Variants in PHF24 observed in about 807,000 individuals in gnomAD.
PHF24 encodes PHD finger protein 24.
In PHF24, 25 loss-of-function variants were observed where a neutral mutation model predicts 42.6. That is an observed-to-expected ratio of 0.59 (90% CI 0.43 to 0.82). The LOEUF (loss-of-function observed/expected upper bound fraction) is 0.82, where lower values mean the gene tolerates loss of function less well. Among genes scored for constraint, PHF24 ranks in the 40% least tolerant of loss-of-function variants. The probability of loss-of-function intolerance (pLI) is 0.00; values close to 1 mark genes in which losing one functional copy is unlikely to be tolerated. For missense variants in PHF24, 470 were observed against 538.1 expected, an observed-to-expected ratio of 0.87 and a Z score of 1.25; for synonymous variants, 185 against 204.8, an observed-to-expected ratio of 0.90 and a Z score of 0.83.
upstream of PHF24, among the ~76,000 whole-genome samples, chr9:34,958,059 C>T (rs1360673380): frequency 6.7e-6 from 1 of 150,056 alleles, no homozygotes; most frequent in East Asian, 1.9e-4. This position sits in a 1 kb window ranked among gnomAD's most constrained non-coding sequence, Gnocchi z 4.5. Context: ...GCCCCACGCC[C>T]GCGCGCCCGT....
chr9:34,784,449 C>T, the PHF24 span, among the ~76,000 whole-genome samples: 1 of 152,134 alleles, frequency 6.6e-6, no homozygotes. Flanking sequence ...AAATCCTTAT[C>T]CTATTCCAAT....
At chr9:34,864,494 CAT>C in the PHF24 span, among the ~76,000 whole-genome samples, 5 of 151,652 alleles carry the variant, frequency 3.3e-5, no homozygotes, top group Non-Finnish European at 5.9e-5. Flanking sequence ...AGTGGCATGA[CAT>C]AAAGTGCTGA....
chr9:34,690,128 A>AT, the PHF24 span: 1 of 1,592,120 alleles, frequency 6.3e-7, no homozygotes, highest in East Asian at 2.2e-5. Context: ...TGGGCTTGGC[A>AT]TGGAGAAGGG....
chr9:34,920,236 G>A, the PHF24 span, among the ~76,000 whole-genome samples: 1 of 152,092 alleles, frequency 6.6e-6, no homozygotes. Flanking sequence ...CTGTCTTTTA[G>A]ATAAAAGCCA....
chr9:34,976,938 C>A (rs1827211912), intron 5 of PHF24, 145 bp from the exon 6 acceptor site: 1 of 991,678 alleles, frequency 1.0e-6, no homozygotes, highest in Non-Finnish European at 1.5e-6. Flanking sequence ...CTGCCCTGGG[C>A]CGCACTGGAA....
chr9:34,724,411 T>C, the PHF24 span: 4 of 1,550,764 alleles, frequency 2.6e-6, no homozygotes, highest in Non-Finnish European at 3.5e-6. Context: ...GGATGGGCAG[T>C]TCCTGGAGCA....
chr9:34,976,486 C>T (rs773227576), intron 4 of PHF24, 49 bp from the exon 5 acceptor site: 17 of 1,576,160 alleles, frequency 1.1e-5, no homozygotes, highest in Non-Finnish European at 6.9e-6. Flanking sequence ...TGGAGGTGCC[C>T]TGAGGCTGAG....
At chr9:34,976,015 C>T in intron 3 of PHF24, 137 bp from the exon 4 acceptor site, 1 of 668,482 alleles carries the variant, frequency 1.5e-6, no homozygotes, top group Non-Finnish European at 2.7e-6. Context: ...GCCTCAATCT[C>T]ATTGATTGTG....
chr9:34,793,917 C>G, the PHF24 span, among the ~76,000 whole-genome samples: 2 of 151,446 alleles, frequency 1.3e-5, no homozygotes, highest in Non-Finnish European at 2.9e-5. Context: ...TCTCTCTGCC[C>G]TCCTGCTGCT....
chr9:34,762,377 A>G, the PHF24 span, among the ~76,000 whole-genome samples: 1 of 150,732 alleles, frequency 6.6e-6, no homozygotes, highest in African/African-American at 2.4e-5. Context: ...TGACTTTTTA[A>G]TGATTGCCAT....
chr9:34,897,557 C>G, the PHF24 span, among the ~76,000 whole-genome samples: 2 of 152,222 alleles, frequency 1.3e-5, no homozygotes. Context: ...TATCTTACCA[C>G]AACTTAAAAA....
intron 1 of PHF24, among the ~76,000 whole-genome samples, chr9:34,968,080 A>G (rs1422314621): frequency 6.6e-6 from 1 of 152,246 alleles, no homozygotes; most frequent in Non-Finnish European, 1.5e-5. Flanking sequence ...TTAAAAGTAC[A>G]TACAGTACAA....
chr9:34,936,757 C>T, the PHF24 span, among the ~76,000 whole-genome samples: 7 of 150,900 alleles, frequency 4.6e-5, no homozygotes, highest in African/African-American at 9.8e-5. Flanking sequence ...TCTGCCCGGC[C>T]GCGACCCCGT....
chr9:34,710,572 A>T, the PHF24 span, among the ~76,000 whole-genome samples: 1 of 146,602 alleles, frequency 6.8e-6, no homozygotes, highest in African/African-American at 2.5e-5. Context: ...GGCTCGAGTG[A>T]TCCTCCTACC....
chr9:34,727,018 A>G, the PHF24 span: 1 of 1,534,062 alleles, frequency 6.5e-7, no homozygotes, highest in South Asian at 1.2e-5. Context: ...AAAATTAACG[A>G]TGGAGTGACA....
the PHF24 span, among the ~76,000 whole-genome samples, chr9:34,882,672 C>T: frequency 2.9e-3 from 445 of 152,264 alleles, 4 homozygotes; most frequent in Non-Finnish European, 4.7e-3. Flanking sequence ...TGAAGGACCT[C>T]TTCAAGGAGA....
At chr9:34,712,792 AC>A in the PHF24 span, among the ~76,000 whole-genome samples, 1 of 152,166 alleles carries the variant, frequency 6.6e-6, no homozygotes, top group Non-Finnish European at 1.5e-5. Flanking sequence ...TCATAATAAA[AC>A]AAGCAACAAA....
the PHF24 span, among the ~76,000 whole-genome samples, chr9:34,740,604 CG>C: frequency 6.6e-6 from 1 of 152,188 alleles, no homozygotes; most frequent in Non-Finnish European, 1.5e-5. Flanking sequence ...CCCCGGTTCC[CG>C]CTGGCGCCTC....
chr9:34,917,073 G>A, the PHF24 span: 13 of 704,602 alleles, frequency 1.8e-5, no homozygotes, highest in African/African-American at 1.0e-4. Flanking sequence ...AGAGCGGAGC[G>A]TGTGAGCAGC....
Sources: gnomAD v4.1 joint callset for allele counts (sites outside exome capture counted in the v4.1 genomes callset) on GRCh38, gnomAD v4.1.1 for gene constraint, Gnocchi (gnomAD v3.1) non-coding constraint, MANE v1.5 for transcripts, NCBI Gene and HGNC (gene_info 2026-07-23, HGNC 2026-07-21) for gene names.